Variants in PNLDC1 observed in about 807,000 individuals in gnomAD.
PNLDC1 encodes the protein PARN like ribonuclease domain containing exonuclease 1, also known as poly(A)-specific ribonuclease PNLDC1.
Under a neutral mutation model 82.0 loss-of-function variants are expected in PNLDC1, and 70 were observed. The ratio of observed to expected loss-of-function variants is 0.85; its 90% CI spans 0.70 to 1.04. The LOEUF is 1.04. Ranked by LOEUF, PNLDC1 falls within the 50% of genes least tolerant of loss-of-function variation. PNLDC1 has a pLI of 0.00. For synonymous variants in PNLDC1, 280 were observed against 249.3 expected, an observed-to-expected ratio of 1.12 and a Z score of -1.16; for missense variants, 631 against 661.1, an observed-to-expected ratio of 0.95 and a Z score of 0.50.
chr6:159,816,190 C>A (rs1781821517), intron 13 of PNLDC1, among the ~76,000 whole-genome samples, 157 bp downstream of exon 13: 1 of 142,554 alleles, frequency 7.0e-6, no homozygotes, highest in African/African-American at 2.6e-5. Context: ...CCCACCTCTC[C>A]CCCTGCCCCG....
Position 159,809,213 on chromosome 6 carries a change from CATAG to C in PNLDC1, c.783+59_783+62del, listed in dbSNP as rs1781562778. On this transcript the variant is annotated intron_variant, in intron 9 of 18. Coordinates refer to ENST00000392167, the MANE Select transcript of PNLDC1 (RefSeq NM_001271862.2). ...AAAGGCAGTCTTTAGTATTTCTGGT[CATAG>C]ATACTAAAGGCTCCTTCAACAACAA... is the stretch of plus-strand genomic sequence containing the variant. 1.9e-6 allele frequency: 3 copies of C among 1,582,638 alleles called. No individual in the cohort carries two copies. In the South Asian group the frequency reaches 3.5e-5, roughly 18 times the overall value.
intron 9 of PNLDC1, 73 bp downstream of exon 9, chr6:159,809,231 C>T: frequency 1.3e-6 from 2 of 1,538,222 alleles, no homozygotes; most frequent in South Asian, 2.4e-5. Context: ...CTAAAGGCTC[C>T]TTCAACAACA....
rs535477089 is a variant in PNLDC1, at chr6:159,808,836, G to A, written c.639+20G>A. On this transcript the variant is annotated intron_variant, in intron 8 of 18. Coordinates refer to ENST00000392167, the MANE Select transcript of PNLDC1 (RefSeq NM_001271862.2). ...GAGGGGGTGAGTTCTCACTGCGAAC[G>A]GGGCATCAGTGGCTCCATTGTTTCT... 31 of 1,612,764 alleles carry A rather than the reference G, an allele frequency of 1.9e-5. No individual in the cohort carries two copies. Among genetic ancestry groups the A allele is most frequent in the African/African-American group, 2.7e-5 (2 of 75,016 alleles).
chr6:159,820,419 T>A (rs1583188388), intron 18 of PNLDC1, 35 bp from the exon 19 acceptor site: 3 of 1,611,990 alleles, frequency 1.9e-6, no homozygotes, highest in South Asian at 2.2e-5. Flanking sequence ...GCCTGCTGGG[T>A]GCCCCGGCCA....
chr6:159,809,256 G>C (rs1453231745), intron 9 of PNLDC1, 98 bp downstream of exon 9: 5 of 1,439,740 alleles, frequency 3.5e-6, no homozygotes, highest in Non-Finnish European at 2.8e-6. Flanking sequence ...AAAATTCTTT[G>C]AGATAAGTGA....
intron 12 of PNLDC1, among the ~76,000 whole-genome samples, chr6:159,813,958 C>A (rs547483333): frequency 6.6e-6 from 1 of 152,304 alleles, no homozygotes; most frequent in South Asian, 2.1e-4. Flanking sequence ...AGCACCTTCC[C>A]TGTGCAAGGC....
chr6:159,819,333 A>G lies in PNLDC1; in HGVS notation c.1513A>G (p.Asn505Asp), dbSNP rs374680614. 13 of 1,613,558 alleles carry G rather than the reference A, an allele frequency of 8.1e-6. No homozygotes were observed. The Admixed American group carries it at 8.3e-5, about 10-fold the overall frequency. Residue 505 changes from asparagine (N) to aspartate (D), a missense_variant, in exon 18 of 19, where the codon AAC (asparagine) becomes GAC (aspartate). Asn to Asp is a conservative substitution (Grantham distance 23). Coordinates refer to ENST00000392167, the MANE Select transcript of PNLDC1 (RefSeq NM_001271862.2). This position sits in a 1 kb window ranked among gnomAD's most constrained non-coding sequence, Gnocchi z 4.6. ...SLYRYWRHSP[N>D]VNCLLQVCGI... ...GTACCGCTACTGGAGGCACTCCCCAAACGTCAACTGCCTGCTCCAGTAAGT... is the reference window on the plus strand; with the variant it reads ...GTACCGCTACTGGAGGCACTCCCCAGACGTCAACTGCCTGCTCCAGTAAGT...
chr6:159,801,289 T>A, intron 3 of PNLDC1, 103 bp downstream of exon 3: 1 of 1,072,876 alleles, frequency 9.3e-7, no homozygotes, highest in Non-Finnish European at 1.4e-6. Context: ...GGATATTGAG[T>A]ATCGTTTTGT....
chr6:159,820,434 C>T lies in PNLDC1; in HGVS notation c.1533-20C>T. The T allele has an allele frequency of 3.7e-6, 6 of 1,613,852 alleles. No individual in the cohort carries two copies. Among genetic ancestry groups the T allele is most frequent in the Non-Finnish European group, 5.1e-6 (6 of 1,179,926 alleles). On this transcript the variant is annotated intron_variant, in intron 18 of 18. Transcript: ENST00000392167. ...GCCTGCTGGGTGCCCCGGCCACTGACACGTGTCATTGTCTTGCAGAGTCTG... is the reference window on the plus strand; with the variant it reads ...GCCTGCTGGGTGCCCCGGCCACTGATACGTGTCATTGTCTTGCAGAGTCTG...
chr6:159,808,732 T>A lies in PNLDC1; in HGVS notation c.563-8T>A. ...GGTGCTGTGTGCCCCTGTGTTTCCC[T>A]GCTGCAGGCTTCCAGGCCTTTGAGG... On this transcript the variant is annotated splice_region_variant and splice_polypyrimidine_tract_variant and intron_variant, in intron 7 of 18. Transcript: ENST00000392167. 1.2e-6 allele frequency: 2 copies of A among 1,612,836 alleles called. No homozygotes were observed.
chr6:159,800,603 G>A (rs930414869), intron 1 of PNLDC1, 169 bp from the exon 2 acceptor site: 23 of 1,555,924 alleles, frequency 1.5e-5, no homozygotes, highest in African/African-American at 8.1e-5. Context: ...GTGCGCCCAG[G>A]TGCCTGGCTG....
rs1417210400 is a variant in PNLDC1, at chr6:159,816,485, T to TGG, written c.1061-55_1061-54dup. On this transcript the variant is annotated intron_variant, in intron 13 of 18. Transcript: ENST00000392167. ...AGCCACTGTGGATGGTGAGCTAGGA[T>TGG]GGGGCGTGTTTCTAATGACTGCTCA... 12 of 1,489,064 alleles carry TGG rather than the reference T, an allele frequency of 8.1e-6. No homozygotes were observed. In the East Asian group the frequency reaches 2.7e-4, roughly 34 times the overall value. 92.2% of individuals were successfully genotyped at this position (1,489,064 alleles called of 1,614,324 possible).
chr6:159,800,008 C>CT (rs571440240), upstream of PNLDC1, among the ~76,000 whole-genome samples: 370 of 152,326 alleles, frequency 2.4e-3, 2 homozygotes, highest in African/African-American at 8.7e-3. Context: ...TCTTAACATT[C>CT]TAAGTCCATG....
At chr6:159,801,817 C>CT (rs534898784) in intron 3 of PNLDC1, among the ~76,000 whole-genome samples, 283 of 148,416 alleles carry the variant, frequency 1.9e-3, no homozygotes, top group African/African-American at 5.4e-3. Context: ...GTTTCAGAAA[C>CT]TTTTTTTTTT....
chr6:159,805,768 C>G (rs1468249423), intron 6 of PNLDC1: 12 of 542,124 alleles, frequency 2.2e-5, no homozygotes, highest in Non-Finnish European at 4.0e-5. Context: ...GAATATATGC[C>G]TGGATCCTAT....
chr6:159,818,067 T>G (rs1478045553), intron 15 of PNLDC1, among the ~76,000 whole-genome samples: 1 of 152,192 alleles, frequency 6.6e-6, no homozygotes, highest in Non-Finnish European at 1.5e-5. Flanking sequence ...TTAATCCTCA[T>G]GGCCTAAAAG....
rs1168464115 is a variant in PNLDC1, at chr6:159,809,024, A to G, written c.649A>G (p.Lys217Glu). The G allele has an allele frequency of 6.2e-7, 1 of 1,612,962 alleles. No individual in the cohort carries two copies. ...TGTCCCTGCTTTTCAGGTGGTAGTG[A>G]AGAAAGTGAGTAAACAACATCGTTG... ...TVLKDEGVVV[K>E]KVSKQHRWYL... is the part of the protein sequence containing the mutation. Residue 217 changes from lysine (K) to glutamate (E), a missense_variant, in exon 9 of 19, where the codon AAG becomes GAG. Lys to Glu is a moderately conservative substitution (Grantham distance 56). Transcript: ENST00000392167.
In PNLDC1 at chr6:159,818,638, C is replaced by T. The variant is rs766167072; in HGVS notation, c.1241C>T (p.Ala414Val). 1.1e-5 allele frequency: 18 copies of T among 1,613,540 alleles called. No homozygotes were observed. Among genetic ancestry groups the T allele is most frequent in the Admixed American group, 1.7e-5 (1 of 59,990 alleles). Reference protein sequence around the residue: ...PYVNQVNLIRAGVPKINFSGP... With the variant: ...PYVNQVNLIRVGVPKINFSGP... Reference sequence around the variant, plus strand: ...GTGAACCAAGTGAACCTCATCCGAGCGGGGGTCCCAAAGATCGTGAGTAGA... The same window carrying T: ...GTGAACCAAGTGAACCTCATCCGAGTGGGGGTCCCAAAGATCGTGAGTAGA... Residue 414 changes from alanine (A) to valine (V), a missense_variant, in exon 16 of 19, where the codon GCG becomes GTG. Coordinates refer to ENST00000392167, the MANE Select transcript of PNLDC1 (RefSeq NM_001271862.2).
At chr6:159,803,515 G>T in intron 4 of PNLDC1, 1 of 594,440 alleles carries the variant, frequency 1.7e-6, no homozygotes, top group Non-Finnish European at 3.0e-6. Flanking sequence ...TTTCCCGCCA[G>T]CCTTGCTCTG....
Sources: allele counts gnomAD v4.1 joint callset (sites outside exome capture counted in the v4.1 genomes callset), GRCh38; gene constraint gnomAD v4.1.1; non-coding constraint Gnocchi (gnomAD v3.1); transcripts MANE v1.5; gene names NCBI Gene and HGNC (gene_info 2026-07-23, HGNC 2026-07-21).